Variants in TSNARE1 observed in about 807,000 individuals in gnomAD.
TSNARE1 encodes the protein t-SNARE domain-containing protein 1.
In TSNARE1, 49 loss-of-function variants were observed where a neutral mutation model predicts 62.0. That is an observed-to-expected ratio of 0.79 (90% CI 0.63 to 1.00). The LOEUF is 1.00. Ranked by LOEUF, TSNARE1 falls within the 50% of genes least tolerant of loss-of-function variation. The pLI is 0.00. For synonymous variants in TSNARE1, 328 were observed against 294.4 expected (o/e 1.11, Z -1.17); for missense variants, 755 against 700.1 (o/e 1.08, Z -0.88).
At chr8:142,286,821 T>C (rs963279191) in intron 10 of TSNARE1, among the ~76,000 whole-genome samples, 1 of 152,164 alleles carries the variant, frequency 6.6e-6, no homozygotes, top group Non-Finnish European at 1.5e-5. Flanking sequence ...CCCTGGCCAC[T>C]GAGCATACCC....
chr8:142,387,709 A>G (rs1048598677), intron 1 of TSNARE1, among the ~76,000 whole-genome samples: 2 of 152,198 alleles, frequency 1.3e-5, no homozygotes, highest in Non-Finnish European at 2.9e-5. Context: ...GTTCAAACAG[A>G]GTAATTTCCA....
At chr8:142,265,138 A>T (rs867120576) in intron 12 of TSNARE1, among the ~76,000 whole-genome samples, 2 of 9,528 alleles carry the variant, frequency 2.1e-4, no homozygotes, top group African/African-American at 3.0e-4. Flanking sequence ...GTGTGTGTGT[A>T]GTTCTATGAA....
At position 142,274,829 on chromosome 8, in the gene TSNARE1, C is replaced by G. The variant is rs767133533; in HGVS notation, c.1398G>C (p.Ser466=). Residue 466 remains serine, a synonymous_variant, in exon 12 of 14, where the codon TCG becomes TCC. Transcript: ENST00000524325. ...GGAGCTGGCGGGCTGCCTCCGCATG[C>G]GAGGACGCAGCCTCAAGGCTGGCTT... ...SIEASLEAAS[S]HAEAARQLLA... The G allele has an allele frequency of 6.3e-7, 1 of 1,579,928 alleles. No homozygotes were observed. Among genetic ancestry groups the G allele is most frequent in the Admixed American group, 1.8e-5 (1 of 56,186 alleles).
chr8:142,354,763 G>A lies in TSNARE1; in HGVS notation c.-39C>T, dbSNP rs764016721. ...GCAGGGCCAGCAGCCTCCACACTGA[G>A]CTGGAGGAAACACGAAAAGCAGGGG... On this transcript the variant is annotated splice_region_variant and 5_prime_UTR_variant, in exon 2 of 14. Transcript: ENST00000524325. 23 of 1,532,554 alleles carry A rather than the reference G, an allele frequency of 1.5e-5. No individual in the cohort carries two copies. The East Asian group carries it at 4.3e-4, about 29-fold the overall frequency. 94.9% of individuals were successfully genotyped at this position (1,532,554 alleles called of 1,614,324 possible).
At chr8:142,218,081 AGAGAGTGGCCAGGTCAGGG>A (rs1816010686) in intron 13 of TSNARE1, among the ~76,000 whole-genome samples, 3 of 76,960 alleles carry the variant, frequency 3.9e-5, no homozygotes, top group African/African-American at 1.3e-4. Context: ...ATCAGGGTTC[AGAGAGTGGCCAGGTCAGGG>A]CTCAGTGTGT....
intron 12 of TSNARE1, chr8:142,272,905 G>A (rs1819839015): frequency 2.0e-6 from 2 of 985,124 alleles, no homozygotes; most frequent in Non-Finnish European, 1.2e-6. Flanking sequence ...CCCCTCGCAG[G>A]CAGGTGGGAG....
chr8:142,279,461 C>T (rs1821041360), intron 11 of TSNARE1, among the ~76,000 whole-genome samples: 1 of 152,190 alleles, frequency 6.6e-6, no homozygotes. Flanking sequence ...TCCCAGAGGC[C>T]ACCTTGTGAC....
intron 9 of TSNARE1, among the ~76,000 whole-genome samples, chr8:142,309,899 A>T (rs1455103666): frequency 6.6e-6 from 1 of 152,124 alleles, no homozygotes; most frequent in Non-Finnish European, 1.5e-5. Flanking sequence ...GGATATTTTT[A>T]AATTATGGAT....
intron 1 of TSNARE1, chr8:142,366,147 C>T (rs1835534408): frequency 4.1e-6 from 1 of 245,420 alleles, no homozygotes. Context: ...TGCCACTCTC[C>T]AGCCTCAGCC....
chr8:142,239,420 GT>G, intron 12 of TSNARE1, among the ~76,000 whole-genome samples: 1 of 152,210 alleles, frequency 6.6e-6, no homozygotes, highest in Non-Finnish European at 1.5e-5. Flanking sequence ...GAGCTCAAGC[GT>G]TTAAAGGTCC....
At chr8:142,377,472 C>A (rs7013121) in intron 1 of TSNARE1, among the ~76,000 whole-genome samples, 46,087 of 152,110 alleles carry the variant, frequency 0.3, 8,911 homozygotes, top group African/African-American at 0.54. Flanking sequence ...TAAATAAGGC[C>A]CTCCTACAAA....
chr8:142,304,017 C>T (rs1826228618), intron 9 of TSNARE1, among the ~76,000 whole-genome samples: 1 of 152,264 alleles, frequency 6.6e-6, no homozygotes, highest in Non-Finnish European at 1.5e-5. Context: ...TGAGGCTGCC[C>T]TAGCCAGGTT....
intron 12 of TSNARE1, among the ~76,000 whole-genome samples, chr8:142,260,350 G>A (rs1317966983): frequency 6.6e-6 from 1 of 152,128 alleles, no homozygotes; most frequent in African/African-American, 2.4e-5. Flanking sequence ...AAAGCGAGTC[G>A]GGAAGTTGAG....
At chr8:142,301,002 C>T (rs1486249939) in intron 9 of TSNARE1, among the ~76,000 whole-genome samples, 9 of 82,096 alleles carry the variant, frequency 1.1e-4, no homozygotes, top group Admixed American at 9.4e-4. Flanking sequence ...CAGGTGCACA[C>T]GTTCATACCG....
intron 1 of TSNARE1, among the ~76,000 whole-genome samples, chr8:142,357,259 G>A (rs1273770522): frequency 1.3e-5 from 2 of 152,230 alleles, no homozygotes; most frequent in African/African-American, 2.4e-5. Context: ...AGCACAAGCC[G>A]TCTTGGGTGA....
chr8:142,285,721 ACGTGGGC>A (rs1452978862), intron 10 of TSNARE1, among the ~76,000 whole-genome samples: 1 of 152,150 alleles, frequency 6.6e-6, no homozygotes, highest in Non-Finnish European at 1.5e-5. Context: ...AGGAACAGAA[ACGTGGGC>A]CAGGAGGACT....
intron 13 of TSNARE1, among the ~76,000 whole-genome samples, chr8:142,215,278 T>TGCCTGG (rs1481392860): frequency 6.6e-6 from 1 of 152,296 alleles, no homozygotes; most frequent in Admixed American, 6.5e-5. Flanking sequence ...ACTTCCTAGC[T>TGCCTGG]GCCTGGGGAT....
At chr8:142,222,690 A>T (rs1257312758) in intron 13 of TSNARE1, among the ~76,000 whole-genome samples, 1 of 119,268 alleles carries the variant, frequency 8.4e-6, no homozygotes, top group East Asian at 2.6e-4. Context: ...TCATCCACTC[A>T]CTCACTCATC....
intron 12 of TSNARE1, chr8:142,271,487 G>A (rs1009112969): frequency 2.6e-5 from 34 of 1,294,366 alleles, no homozygotes; most frequent in African/African-American, 1.5e-4. Flanking sequence ...AGGTGCTGGC[G>A]CCGAAGAGGG....
Sources: gnomAD v4.1 joint callset for allele counts (sites outside exome capture counted in the v4.1 genomes callset) on GRCh38, gnomAD v4.1.1 for gene constraint, MANE v1.5 for transcripts, NCBI Gene and HGNC (gene_info 2026-07-23, HGNC 2026-07-21) for gene names.